Variants in PCDHA6 observed in about 807,000 individuals in gnomAD.
PCDHA6 encodes the protein protocadherin alpha-6.
Under a neutral mutation model 60.3 loss-of-function variants are expected in PCDHA6, and 55 were observed. The observed-to-expected ratio is 0.91, with a 90% CI of 0.73 to 1.14. PCDHA6 has a LOEUF of 1.14. PCDHA6 is among the 50% of genes most tolerant of loss of function. The pLI is 0.00. For missense variants in PCDHA6, 1,327 were observed against 1,256.5 expected (o/e 1.06, Z -0.85); for synonymous variants, 652 against 557.9 (o/e 1.17, Z -2.38).
chr5:140,881,459 A>G (rs1172310253), intron 1 of PCDHA6: 2 of 672,234 alleles, frequency 3.0e-6, no homozygotes, highest in Non-Finnish European at 3.7e-6. Flanking sequence ...AAAACCTTAG[A>G]GCATTGTTGT....
chr5:140,988,871 A>T (rs1319139244), intron 3 of PCDHA6: 1 of 152,208 alleles, frequency 6.6e-6, no homozygotes, highest in Non-Finnish European at 1.5e-5. Context: ...GTGCACTCAG[A>T]TGTACGATCC....
chr5:140,902,818 T>G (rs1554190664), intron 1 of PCDHA6, among the ~76,000 whole-genome samples: 1 of 152,062 alleles, frequency 6.6e-6, no homozygotes, highest in Non-Finnish European at 1.5e-5. Flanking sequence ...CAATATTTGG[T>G]TTTCGATTTC....
chr5:140,965,331 G>T (rs2153743444), intron 1 of PCDHA6, among the ~76,000 whole-genome samples: 1 of 152,252 alleles, frequency 6.6e-6, no homozygotes, highest in Non-Finnish European at 1.5e-5. Context: ...AAGTGAATTT[G>T]TTGTCTCTGT....
At chr5:140,876,098 A>G in intron 1 of PCDHA6, 2 of 1,613,962 alleles carry the variant, frequency 1.2e-6, no homozygotes, top group Non-Finnish European at 1.7e-6. Flanking sequence ...CCAAAACTCA[A>G]TTTATTGCTG....
intron 3 of PCDHA6, among the ~76,000 whole-genome samples, chr5:140,994,938 C>T (rs2097656507): frequency 6.6e-6 from 1 of 152,232 alleles, no homozygotes; most frequent in East Asian, 1.9e-4. Context: ...CCTTAAACAT[C>T]CTGCTAAATA....
chr5:140,893,205 T>A (rs192969362), intron 1 of PCDHA6, among the ~76,000 whole-genome samples: 1 of 152,338 alleles, frequency 6.6e-6, no homozygotes, highest in East Asian at 1.9e-4. Context: ...CTGCAGTAAG[T>A]ATGGGAGGTG....
At chr5:140,905,036 T>A (rs2071554831) in intron 1 of PCDHA6, among the ~76,000 whole-genome samples, 1 of 152,222 alleles carries the variant, frequency 6.6e-6, no homozygotes, top group Non-Finnish European at 1.5e-5. Flanking sequence ...AGCTTTTTAG[T>A]TTAATTAGGT....
At chr5:140,990,007 C>T (rs1188956345) in intron 3 of PCDHA6, among the ~76,000 whole-genome samples, 2 of 151,870 alleles carry the variant, frequency 1.3e-5, no homozygotes, top group African/African-American at 2.4e-5. Flanking sequence ...TCTCCAAGGG[C>T]GTGGGCTAGG....
chr5:140,902,996 A>G (rs2069931370), intron 1 of PCDHA6, among the ~76,000 whole-genome samples: 1 of 152,126 alleles, frequency 6.6e-6, no homozygotes, highest in Admixed American at 6.6e-5. Context: ...TATTTTTGCA[A>G]TTGTGAATTG....
chr5:141,000,395 C>CTCTA (rs1213762225), intron 3 of PCDHA6, among the ~76,000 whole-genome samples: 16 of 53,972 alleles, frequency 3.0e-4, no homozygotes, highest in East Asian at 6.1e-4. Context: ...CTCTCTCTCT[C>CTCTA]TATATATATA....
intron 1 of PCDHA6, chr5:140,857,253 A>G (rs1554149722): frequency 1.3e-6 from 2 of 1,598,432 alleles, no homozygotes; most frequent in Admixed American, 3.4e-5. Context: ...ACCTACAAGA[A>G]TTACTACTCA....
intron 1 of PCDHA6, among the ~76,000 whole-genome samples, chr5:140,894,550 T>C (rs943231588): frequency 3.3e-5 from 5 of 151,996 alleles, no homozygotes; most frequent in Non-Finnish European, 5.9e-5. Context: ...TAGTGTTTAC[T>C]TCTGAAAAAA....
At position 140,867,338 on chromosome 5, in the gene PCDHA6, A is replaced by C. The variant is rs535853406; in HGVS notation, c.2394+36853A>C. The stretch of plus-strand genomic sequence containing the variant: ...TGGTCTAATGTTATGTTTTGATTAG[A>C]GGCTACTATGATTGATTATTTTACA... On this transcript the variant is annotated intron_variant, in intron 1 of 3. Transcript: ENST00000529310. 3.3e-5 allele frequency: 5 copies of C among 152,270 alleles called. No individual in the cohort carries two copies. In the East Asian group the frequency reaches 5.8e-4, roughly 18 times the overall value. The allele number at this position is 152,270 out of a possible 1,614,324, so 9.4% of individuals were successfully genotyped here.
intron 1 of PCDHA6, chr5:140,861,587 G>A (rs781869263): frequency 4.3e-5 from 16 of 374,992 alleles, no homozygotes; most frequent in Middle Eastern, 1.0e-3. Context: ...TCCATGTGGA[G>A]GTGAAAGTGA....
At chr5:140,882,545 G>C (rs1174281421) in intron 1 of PCDHA6, 1 of 1,614,120 alleles carries the variant, frequency 6.2e-7, no homozygotes, top group African/African-American at 1.3e-5. Flanking sequence ...GATCGACCGC[G>C]AGGAGCTGTG....
At position 140,850,659 on chromosome 5, in the gene PCDHA6, C is replaced by T. The variant is rs2150492526; in HGVS notation, c.2394+20174C>T. On this transcript the variant is annotated intron_variant, in intron 1 of 3. Coordinates refer to ENST00000529310, the MANE Select transcript of PCDHA6 (RefSeq NM_018909.4). ...CACGCTGCTGCTGTACACTGTGCTG[C>T]GGTGCTCGGCGATGCCCACCGAGGG... is the stretch of plus-strand genomic sequence containing the variant. 2.2e-5 allele frequency: 35 copies of T among 1,598,248 alleles called. No homozygotes were observed. The South Asian group carries it at 3.1e-4, about 14-fold the overall frequency.
chr5:141,001,518 C>G (rs573560944), intron 3 of PCDHA6, among the ~76,000 whole-genome samples: 2 of 152,272 alleles, frequency 1.3e-5, no homozygotes, highest in East Asian at 1.9e-4. Context: ...AGCTTTCTCC[C>G]TCTCTCTCTG....
intron 1 of PCDHA6, among the ~76,000 whole-genome samples, chr5:140,956,217 T>C (rs1554222303): frequency 1.1e-4 from 17 of 152,208 alleles, no homozygotes. Flanking sequence ...GGCATCCTTG[T>C]CTTGTGCTGG....
intron 1 of PCDHA6, among the ~76,000 whole-genome samples, chr5:140,941,255 CTCTT>C (rs1554214207): frequency 2.2e-4 from 10 of 44,514 alleles, no homozygotes; most frequent in East Asian, 7.5e-4. Flanking sequence ...TTCTTTCTTT[CTCTT>C]TCTTTCTTTC....
Sources: gnomAD v4.1 joint callset for allele counts (sites outside exome capture counted in the v4.1 genomes callset) on GRCh38, gnomAD v4.1.1 for gene constraint, MANE v1.5 for transcripts, NCBI Gene and HGNC (gene_info 2026-07-23, HGNC 2026-07-21) for gene names.